Variants in MAT2B observed in about 807,000 individuals in gnomAD.
MAT2B encodes methionine adenosyltransferase 2 non-catalytic beta subunit.
MAT2B carries 16 observed loss-of-function variants against 36.1 expected under a neutral mutation model. The ratio of observed to expected loss-of-function variants is 0.44; its 90% CI spans 0.30 to 0.67. The LOEUF is 0.67. Among genes scored for constraint, MAT2B ranks in the 30% least tolerant of loss-of-function variants. The pLI, the probability that MAT2B is intolerant of heterozygous loss-of-function variation, is 0.09. For missense variants in MAT2B, 332 were observed against 398.2 expected (o/e 0.83, Z 1.42); for synonymous variants, 148 against 136.9 (o/e 1.08, Z -0.57).
chr5:163,505,630 C>T lies in MAT2B; in HGVS notation c.-57C>T, dbSNP rs956596887. On this transcript the variant is annotated 5_prime_UTR_variant, in exon 1 of 7. Transcript: ENST00000321757. ...AGGGCGTCTGAGCTGAGGCCCGCGT[C>T]GATCCTGGGTTGGAGGAGGTGGCGG... is the stretch of plus-strand genomic sequence containing the variant. The T allele has an allele frequency of 1.2e-5, 15 of 1,252,564 alleles. No individual in the cohort carries two copies. Among genetic ancestry groups the T allele is most frequent in the Non-Finnish European group, 1.4e-5 (14 of 990,262 alleles). The allele number at this position is 1,252,564 out of a possible 1,614,324, so 77.6% of individuals were successfully genotyped here.
chr5:163,509,654 TTTAGAG>T (rs1180609587), intron 1 of MAT2B, among the ~76,000 whole-genome samples: 1 of 152,192 alleles, frequency 6.6e-6, no homozygotes, highest in Non-Finnish European at 1.5e-5. Flanking sequence ...TTATCTCTCT[TTTAGAG>T]TATTTTTTCA....
intron 5 of MAT2B, chr5:163,517,028 C>T (rs979666553): frequency 8.7e-6 from 4 of 462,096 alleles, no homozygotes; most frequent in African/African-American, 7.9e-5. Context: ...TGATGGCTCA[C>T]ACCTGTAATC....
upstream of MAT2B, chr5:163,503,172 G>A (rs1581210705): frequency 2.2e-6 from 1 of 463,874 alleles, no homozygotes; most frequent in Non-Finnish European, 3.9e-6. Flanking sequence ...GGGTATTTTC[G>A]AGACTACTAC....
At chr5:163,512,281 A>G in intron 2 of MAT2B, 85 bp downstream of exon 2, 1 of 1,184,054 alleles carries the variant, frequency 8.4e-7, no homozygotes, top group Non-Finnish European at 1.3e-6. Flanking sequence ...CTCTCAAGGA[A>G]ATTACTATGT....
intron 4 of MAT2B, among the ~76,000 whole-genome samples, chr5:163,515,713 T>TA (rs906788154): frequency 1.4e-5 from 2 of 145,912 alleles, no homozygotes; most frequent in East Asian, 4.3e-4. Flanking sequence ...TTTATATATA[T>TA]AAAAAAAACT....
chr5:163,513,014 C>T (rs1760071040), intron 2 of MAT2B: 2 of 209,652 alleles, frequency 9.5e-6, no homozygotes, highest in African/African-American at 2.4e-5. Flanking sequence ...CAGACAGGGT[C>T]TCACTCTGTA....
At chr5:163,515,770 C>CTTTTTTTTTT (rs66978639) in intron 4 of MAT2B, among the ~76,000 whole-genome samples, 1,513 of 69,616 alleles carry the variant, frequency 0.022, 106 homozygotes, top group East Asian at 0.033. Flanking sequence ...TTGCCTTTTT[C>CTTTTTTTTTT]TTTTTTTTTT....
At chr5:163,511,273 A>AT (rs1267763663) in intron 1 of MAT2B, among the ~76,000 whole-genome samples, 102 of 69,360 alleles carry the variant, frequency 1.5e-3, no homozygotes, top group South Asian at 6.8e-3. Flanking sequence ...TAATTAAAAA[A>AT]ATTTTTTTTT....
At chr5:163,515,389 A>G (rs59239653) in intron 4 of MAT2B, among the ~76,000 whole-genome samples, 30,455 of 152,176 alleles carry the variant, frequency 0.2, 3,129 homozygotes, top group Non-Finnish European at 0.21. Flanking sequence ...GTTTTGTCAC[A>G]TTTGTTTTAT....
chr5:163,514,504 C>G (rs1484598951), intron 4 of MAT2B, among the ~76,000 whole-genome samples: 1 of 152,184 alleles, frequency 6.6e-6, no homozygotes, highest in East Asian at 1.9e-4. Flanking sequence ...TTACTAAGAA[C>G]AAAAGTTCTC....
At chr5:163,507,690 G>A (rs1411745970) in intron 1 of MAT2B, among the ~76,000 whole-genome samples, 2 of 152,136 alleles carry the variant, frequency 1.3e-5, no homozygotes, top group Non-Finnish European at 2.9e-5. Context: ...TGGAGTGCAG[G>A]TCCAAAGTAG....
upstream of MAT2B, chr5:163,505,523 T>G (rs1474024757): frequency 2.4e-6 from 3 of 1,240,848 alleles, no homozygotes; most frequent in Admixed American, 1.3e-4. Flanking sequence ...CGGCGGAGCG[T>G]GGCCAATCAA....
intron 5 of MAT2B, 180 bp from the exon 6 acceptor site, chr5:163,517,381 A>C (rs1009711698): frequency 5.4e-6 from 2 of 371,572 alleles, no homozygotes; most frequent in Non-Finnish European, 9.8e-6. Flanking sequence ...TTGCTCTTTT[A>C]AGTGTTTTGC....
At position 163,513,610 on chromosome 5, in the gene MAT2B, A is replaced by G; in HGVS notation, c.314A>G (p.Gln105Arg). Residue 105 changes from glutamine to arginine, a missense_variant, in exon 3 of 7, where the codon CAG becomes CGG. Transcript: ENST00000321757. ...AERRPDVVEN[Q>R]PDAASQLNVD... ...AGAAGACCAGATGTTGTAGAAAATC[A>G]GCCAGATGCTGCCTCTCAACTTAAT... 1 of 1,614,030 alleles carries G rather than the reference A, an allele frequency of 6.2e-7. No homozygotes were observed. Among genetic ancestry groups the G allele is most frequent in the Non-Finnish European group, 8.5e-7 (1 of 1,179,918 alleles).
chr5:163,517,017 G>A (rs769076753), intron 5 of MAT2B: 15 of 496,856 alleles, frequency 3.0e-5, no homozygotes, highest in African/African-American at 7.7e-5. Context: ...GGGGCTGGGC[G>A]TGATGGCTCA....
chr5:163,515,508 C>T (rs1230323984), intron 4 of MAT2B, among the ~76,000 whole-genome samples: 1 of 152,094 alleles, frequency 6.6e-6, no homozygotes, highest in Non-Finnish European at 1.5e-5. Flanking sequence ...AATTACAGTG[C>T]AGTTATCATA....
chr5:163,503,176 C>T (rs1759875088), upstream of MAT2B: 1 of 499,282 alleles, frequency 2.0e-6, no homozygotes, highest in Non-Finnish European at 3.7e-6. Flanking sequence ...ATTTTCGAGA[C>T]TACTACGGGG....
At chr5:163,513,223 T>A (rs1175688648) in intron 2 of MAT2B, 1 of 198,450 alleles carries the variant, frequency 5.0e-6, no homozygotes, top group Admixed American at 5.4e-5. Context: ...ACTCCTGGCC[T>A]CAAGCATTGT....
upstream of MAT2B, chr5:163,503,329 C>T (rs936882169): frequency 3.4e-6 from 5 of 1,492,364 alleles, no homozygotes; most frequent in Non-Finnish European, 2.8e-6. Context: ...CGAACAAAGA[C>T]CCAGCAAGAG....
Sources: allele counts gnomAD v4.1 joint callset (sites outside exome capture counted in the v4.1 genomes callset), GRCh38; gene constraint gnomAD v4.1.1; transcripts MANE v1.5; gene names NCBI Gene and HGNC (gene_info 2026-07-23, HGNC 2026-07-21).